The following TNFRSF13B variants were observed in gnomAD, a reference collection of about 807,000 sequenced individuals.
The protein encoded by TNFRSF13B is tumor necrosis factor receptor superfamily member 13B.
TNFRSF13B carries 34 observed loss-of-function variants against 24.0 expected under a neutral mutation model. The observed-to-expected ratio is 1.41, with a 90% CI of 1.08 to 1.88. The LOEUF (loss-of-function observed/expected upper bound fraction) is 1.88, where lower values mean the gene tolerates loss of function less well. TNFRSF13B is among the 40% of genes most tolerant of loss of function. TNFRSF13B has a pLI of 0.00. For synonymous variants in TNFRSF13B, 173 were observed against 150.3 expected (o/e 1.15, Z -1.10); for missense variants, 415 against 380.8 (o/e 1.09, Z -0.75).
intron 4 of TNFRSF13B, 192 bp downstream of exon 4, chr17:16,940,134 C>T (rs998439618): frequency 7.7e-5 from 109 of 1,414,588 alleles, no homozygotes; most frequent in Non-Finnish European, 9.8e-5. Flanking sequence ...ACCCACCCTT[C>T]CCGGGTGCCA....
At chr17:16,950,302 G>GA (rs1164088321) in intron 2 of TNFRSF13B, among the ~76,000 whole-genome samples, 18 of 152,268 alleles carry the variant, frequency 1.2e-4, no homozygotes, top group African/African-American at 4.3e-4. Context: ...CCAACATAGG[G>GA]AAAATAACAG....
chr17:16,956,433 G>A (rs942275165), intron 1 of TNFRSF13B, among the ~76,000 whole-genome samples: 1 of 152,156 alleles, frequency 6.6e-6, no homozygotes, highest in South Asian at 2.1e-4. Context: ...TTCCAGGGAC[G>A]TCTATATATT....
intron 1 of TNFRSF13B, among the ~76,000 whole-genome samples, chr17:16,969,373 A>G (rs774502309): frequency 5.9e-5 from 9 of 152,262 alleles, no homozygotes; most frequent in Non-Finnish European, 1.0e-4. Flanking sequence ...ACTTGGCCAC[A>G]AAACTGAAGC....
chr17:16,948,637 G>T, intron 3 of TNFRSF13B, 101 bp downstream of exon 3: 1 of 1,546,126 alleles, frequency 6.5e-7, no homozygotes, highest in Non-Finnish European at 8.9e-7. Context: ...TGGACTCTGG[G>T]CTTCATGCAT....
At chr17:16,963,139 G>A (rs2087674708) in intron 1 of TNFRSF13B, among the ~76,000 whole-genome samples, 1 of 152,216 alleles carries the variant, frequency 6.6e-6, no homozygotes, top group South Asian at 2.1e-4. Flanking sequence ...GTAAGATGAG[G>A]ATGCTGTTGC....
chr17:16,958,018 G>A (rs4985694), intron 1 of TNFRSF13B, among the ~76,000 whole-genome samples: 64,684 of 151,784 alleles, frequency 0.43, 14,438 homozygotes, highest in Non-Finnish European at 0.48. Context: ...TGATTTAATA[G>A]GCAATGAGTT....
Position 16,943,539 on chromosome 17 carries a change from G to T in TNFRSF13B, c.446-3028C>A, listed in dbSNP as rs532815399. Among the ~76,000 whole-genome samples the T allele has an allele frequency of 5.3e-5, 8 of 152,180 alleles. No individual in the cohort carries two copies. In the South Asian group the frequency reaches 1.7e-3, roughly 32 times the overall value. On this transcript the variant is annotated intron_variant, in intron 3 of 4. Transcript: ENST00000261652. ...TTATTGCCAGAAGTAGCCTCTCACA[G>T]GGCCCCTGCTGCTATCGCCACCATC... is the stretch of plus-strand genomic sequence containing the variant.
chr17:16,961,167 C>G (rs778736556), intron 1 of TNFRSF13B, among the ~76,000 whole-genome samples: 5 of 152,196 alleles, frequency 3.3e-5, no homozygotes, highest in Admixed American at 3.3e-4. Context: ...AACAGAGCAA[C>G]AGCTGTGGAA....
chr17:16,939,659 C>G lies in TNFRSF13B; in HGVS notation c.770G>C (p.Gly257Ala). Reference sequence around the variant, plus strand: ...GGTCCTGGTGTGGCACCCCCACCTTCCAGCACAAGTGGGGTCGGGGGTCCC... The same window carrying G: ...GGTCCTGGTGTGGCACCCCCACCTTGCAGCACAAGTGGGGTCGGGGGTCCC... Reference protein sequence around the residue: ...TPGTPDPTCAGRWGCHTRTTV... With the variant: ...TPGTPDPTCAARWGCHTRTTV... Residue 257 changes from glycine to alanine, a missense_variant, in exon 5 of 5, where the codon GGA becomes GCA. Coordinates refer to ENST00000261652, the MANE Select transcript of TNFRSF13B (RefSeq NM_012452.3). The G allele has an allele frequency of 6.2e-7, 1 of 1,612,488 alleles. No individual in the cohort carries two copies. Among genetic ancestry groups the G allele is most frequent in the South Asian group, 1.1e-5 (1 of 90,912 alleles).
chr17:16,948,965 T>C lies in TNFRSF13B; in HGVS notation c.218A>G (p.Lys73Arg). The change falls in exon 3 of 5, where the codon AAG becomes AGG. Residue 73 changes from lysine (K) to arginine (R), a missense_variant. By Grantham distance (26) the Lys-to-Arg change is conservative. Transcript: ENST00000261652. ...AAFCRSLSCR[K>R]EQGKFYDHLL... ...ATGGTCATAGAACTTGCCTTGCTCC[T>C]TGCGGCAGCTGAGTGACCCTGGGAG... The C allele has an allele frequency of 1.2e-6, 2 of 1,614,166 alleles. No homozygotes were observed. Among genetic ancestry groups the C allele is most frequent in the Non-Finnish European group, 1.7e-6 (2 of 1,180,030 alleles).
intron 1 of TNFRSF13B, among the ~76,000 whole-genome samples, chr17:16,968,163 AGAAAG>A (rs1173274125): frequency 6.6e-6 from 1 of 151,094 alleles, no homozygotes; most frequent in Non-Finnish European, 1.5e-5. Context: ...AAAAGAAAAA[AGAAAG>A]GAAAAGAAAT....
intron 3 of TNFRSF13B, among the ~76,000 whole-genome samples, chr17:16,948,319 CAT>C (rs887685626): frequency 1.3e-5 from 2 of 152,106 alleles, no homozygotes; most frequent in Non-Finnish European, 2.9e-5. Context: ...AAACCCTACA[CAT>C]GTACCCCCGG....
intron 3 of TNFRSF13B, among the ~76,000 whole-genome samples, chr17:16,947,172 C>T (rs1357606738): frequency 2.0e-5 from 3 of 152,084 alleles, no homozygotes; most frequent in Admixed American, 6.6e-5. Context: ...AAAAGAAAAC[C>T]ACAGGCCGAT....
intron 2 of TNFRSF13B, among the ~76,000 whole-genome samples, chr17:16,950,660 C>T (rs1380563479): frequency 6.6e-6 from 1 of 152,140 alleles, no homozygotes; most frequent in African/African-American, 2.4e-5. Context: ...TTTCTGTGAC[C>T]TCCTCCCCTG....
intron 1 of TNFRSF13B, among the ~76,000 whole-genome samples, chr17:16,955,254 T>G (rs957876093): frequency 1.3e-5 from 2 of 151,856 alleles, no homozygotes; most frequent in African/African-American, 4.8e-5. Context: ...GAAAGCAAAC[T>G]CAAACCAAAC....
In TNFRSF13B at chr17:16,940,098, G is replaced by C. The variant is rs567470100; in HGVS notation, c.631+228C>G. On this transcript the variant is annotated intron_variant, in intron 4 of 4. Coordinates refer to ENST00000261652, the MANE Select transcript of TNFRSF13B (RefSeq NM_012452.3). ...CTGCATCTGGAGAATCCTGGGCCCA[G>C]GCAAACCTGAAGACCGGCACCCCAC... 4.0e-6 allele frequency: 5 copies of C among 1,250,772 alleles called. No homozygotes were observed. In the African/African-American group the frequency reaches 7.6e-5, roughly 19 times the overall value. 77.5% of individuals were successfully genotyped at this position (1,250,772 alleles called of 1,614,324 possible).
chr17:16,962,798 G>A (rs939543949), intron 1 of TNFRSF13B, among the ~76,000 whole-genome samples: 4 of 152,084 alleles, frequency 2.6e-5, no homozygotes, highest in South Asian at 2.1e-4. Context: ...GAGCAGAGCC[G>A]GCAGCCAGCA....
chr17:16,967,621 G>A (rs1437006666), intron 1 of TNFRSF13B, among the ~76,000 whole-genome samples: 2 of 151,384 alleles, frequency 1.3e-5, no homozygotes, highest in Non-Finnish European at 2.9e-5. Context: ...GCATGGTGGT[G>A]GGTGCCTGTA....
At position 16,949,762 on chromosome 17, in the gene TNFRSF13B, T is replaced by A. The variant is rs544926423; in HGVS notation, c.200-779A>T. ...GTGCAATGGCACGATCTCGGCTCACTGCAACCTCTGCCTCCCAGGTTCAAG... is the reference window on the plus strand; with the variant it reads ...GTGCAATGGCACGATCTCGGCTCACAGCAACCTCTGCCTCCCAGGTTCAAG... On this transcript the variant is annotated intron_variant, in intron 2 of 4. Coordinates refer to ENST00000261652, the MANE Select transcript of TNFRSF13B (RefSeq NM_012452.3). 6.6e-5 allele frequency among the ~76,000 whole-genome samples: 10 copies of A among 151,882 alleles called. No individual in the cohort carries two copies. The South Asian group carries it at 1.7e-3, about 25-fold the overall frequency.
Sources: gnomAD v4.1 joint callset for allele counts (sites outside exome capture counted in the v4.1 genomes callset) on GRCh38, gnomAD v4.1.1 for gene constraint, MANE v1.5 for transcripts, NCBI Gene and HGNC (gene_info 2026-07-23, HGNC 2026-07-21) for gene names.